The following TBCE variants were observed in gnomAD, a reference collection of about 807,000 sequenced individuals.
TBCE encodes the protein tubulin folding cofactor E, also known as tubulin-specific chaperone E.
TBCE carries 53 observed loss-of-function variants against 77.0 expected under a neutral mutation model. The observed-to-expected ratio is 0.69, with a 90% CI of 0.55 to 0.87. The LOEUF (loss-of-function observed/expected upper bound fraction) is 0.87, where lower values mean the gene tolerates loss of function less well. Ranked by LOEUF, TBCE falls within the 40% of genes least tolerant of loss-of-function variation. The pLI is 0.00. For missense variants in TBCE, 624 were observed against 622.4 expected (o/e 1.00, Z -0.03); for synonymous variants, 235 against 241.3 (o/e 0.97, Z 0.24).
At chr1:235,432,906 A>T in intron 7 of TBCE, 1 of 886,366 alleles carries the variant, frequency 1.1e-6, no homozygotes, top group Non-Finnish European at 1.4e-6. Context: ...ATATATAATA[A>T]TTTTTTGTAA....
chr1:235,447,248 A>G (rs1682411934), intron 15 of TBCE, among the ~76,000 whole-genome samples: 1 of 152,224 alleles, frequency 6.6e-6, no homozygotes, highest in South Asian at 2.1e-4. Flanking sequence ...TATTATCACA[A>G]GTTGGATAAA....
At chr1:235,429,075 C>A (rs1173518497) in intron 6 of TBCE, 2 of 150,108 alleles carry the variant, frequency 1.3e-5, no homozygotes, top group African/African-American at 4.9e-5. Context: ...TGCAGCTTCC[C>A]CTTCCCGGGT....
chr1:235,371,974 TTTTTTTCA>T (rs545722132), intron 1 of TBCE, among the ~76,000 whole-genome samples: 84 of 150,424 alleles, frequency 5.6e-4, no homozygotes, highest in African/African-American at 2.0e-3. Flanking sequence ...GTGCCTGCCC[TTTTTTTCA>T]TTTTTTCATT....
At chr1:235,385,334 C>T (rs566861943) in intron 2 of TBCE, among the ~76,000 whole-genome samples, 29 of 152,046 alleles carry the variant, frequency 1.9e-4, no homozygotes, top group African/African-American at 3.6e-4. Flanking sequence ...CTATTACGTC[C>T]GCTTGGTGCA....
chr1:235,391,781 AT>A (rs1678408097), intron 2 of TBCE, among the ~76,000 whole-genome samples: 1 of 150,946 alleles, frequency 6.6e-6, no homozygotes, highest in Non-Finnish European at 1.5e-5. Flanking sequence ...TAATTTTTAT[AT>A]TTTTAGTAGA....
chr1:235,409,735 G>A (rs1679661311), intron 3 of TBCE, among the ~76,000 whole-genome samples: 1 of 148,512 alleles, frequency 6.7e-6, no homozygotes, highest in South Asian at 2.1e-4. Context: ...GTTTTAAAAA[G>A]TGTAGATTTA....
rs564275340 is a variant in TBCE at position 235,403,936 on chromosome 1, T to C, written c.185+2349T>C. ...TTACTGTGCTGAATACTGTAGGCAATTGTAACACAATGGTAAGTATTTATC... is the reference window on the plus strand; with the variant it reads ...TTACTGTGCTGAATACTGTAGGCAACTGTAACACAATGGTAAGTATTTATC... On this transcript the variant is annotated intron_variant, in intron 3 of 16. Coordinates refer to ENST00000642610, the MANE Select transcript of TBCE (RefSeq NM_003193.5). Among the ~76,000 whole-genome samples, 6 of 152,272 alleles carry C rather than the reference T, an allele frequency of 3.9e-5. No individual in the cohort carries two copies. In the East Asian group the frequency reaches 9.6e-4, roughly 24 times the overall value.
chr1:235,401,421 C>A, intron 2 of TBCE, 82 bp from the exon 3 acceptor site: 2 of 1,206,918 alleles, frequency 1.7e-6, no homozygotes, highest in Admixed American at 1.7e-5. Flanking sequence ...GTTTCCGCTG[C>A]AAATTGGTAT....
chr1:235,399,685 A>G (rs1019660478), intron 2 of TBCE, among the ~76,000 whole-genome samples: 2 of 152,144 alleles, frequency 1.3e-5, no homozygotes, highest in Non-Finnish European at 2.9e-5. Context: ...TAAACCTGTA[A>G]ATGTAAGTAA....
intron 8 of TBCE, among the ~76,000 whole-genome samples, chr1:235,434,549 C>CTTTTTTTTTTTTT (rs113532290): frequency 6.8e-6 from 1 of 146,866 alleles, no homozygotes; most frequent in African/African-American, 2.5e-5. Context: ...TTTTCTTTTT[C>CTTTTTTTTTTTTT]TTTTTTTGAG....
At chr1:235,439,482 C>G (rs1489756821) in intron 13 of TBCE, among the ~76,000 whole-genome samples, 1 of 151,684 alleles carries the variant, frequency 6.6e-6, no homozygotes. Context: ...GGCGACAGAA[C>G]GAGACTCCGT....
At chr1:235,432,493 GC>G in intron 7 of TBCE, among the ~76,000 whole-genome samples, 1 of 151,562 alleles carries the variant, frequency 6.6e-6, no homozygotes, top group Admixed American at 6.6e-5. Context: ...ACAAGAAGGG[GC>G]CAGACACTGG....
rs978369432 is a variant in TBCE at position 235,383,847 on chromosome 1, C to T, written c.100+3698C>T. 5.2e-4 allele frequency among the ~76,000 whole-genome samples: 79 copies of T among 152,020 alleles called. 1 individual carries two copies. Among genetic ancestry groups the T allele is most frequent in the Non-Finnish European group, 8.4e-4 (57 of 67,930 alleles). On this transcript the variant is annotated intron_variant, in intron 2 of 16. Coordinates refer to ENST00000642610, the MANE Select transcript of TBCE (RefSeq NM_003193.5). ...TAATTGCCCTGGCCAGAACTTCCAACACTATGTTGAATAGGAGTGGTGAGA... is the reference window on the plus strand; with the variant it reads ...TAATTGCCCTGGCCAGAACTTCCAATACTATGTTGAATAGGAGTGGTGAGA...
At chr1:235,384,805 C>G (rs919560095) in intron 2 of TBCE, among the ~76,000 whole-genome samples, 6 of 152,058 alleles carry the variant, frequency 3.9e-5, no homozygotes, top group Non-Finnish European at 5.9e-5. Context: ...TTTTTTGTGT[C>G]TCTATTTCCT....
Position 235,443,193 on chromosome 1 carries a change from T to TAC in TBCE, c.1399+283_1399+284insCA, listed in dbSNP as rs386370047. 4.7e-5 allele frequency among the ~76,000 whole-genome samples: 7 copies of TAC among 150,204 alleles called. No individual in the cohort carries two copies. The East Asian group carries it at 6.4e-4, about 14-fold the overall frequency. ...ACACACACACACACACACATATATA[T>TAC]ATACACACACACACACAATTTTTTT... On this transcript the variant is annotated intron_variant, in intron 15 of 16. Transcript: ENST00000642610.
intron 2 of TBCE, among the ~76,000 whole-genome samples, chr1:235,394,638 G>A (rs1182829438): frequency 6.6e-6 from 1 of 151,690 alleles, no homozygotes; most frequent in Non-Finnish European, 1.5e-5. Context: ...CCAGGCTGGT[G>A]TTTAGCACCT....
chr1:235,377,144 T>C (rs1456871605), intron 1 of TBCE, among the ~76,000 whole-genome samples: 1 of 152,182 alleles, frequency 6.6e-6, no homozygotes, highest in East Asian at 1.9e-4. Flanking sequence ...ATTTTGAAAG[T>C]AGGATTCTTT....
chr1:235,445,865 T>C (rs1285704957), intron 15 of TBCE, among the ~76,000 whole-genome samples: 3 of 152,136 alleles, frequency 2.0e-5, no homozygotes, highest in Non-Finnish European at 2.9e-5. Flanking sequence ...AGCGGAGGAA[T>C]GGTGAATAAG....
chr1:235,434,667 G>T (rs1214563159), intron 8 of TBCE, among the ~76,000 whole-genome samples: 1 of 151,652 alleles, frequency 6.6e-6, no homozygotes, highest in Non-Finnish European at 1.5e-5. Context: ...CTCCCGAGTA[G>T]CTGGGATTAT....
Sources: gnomAD v4.1 joint callset for allele counts (sites outside exome capture counted in the v4.1 genomes callset) on GRCh38, gnomAD v4.1.1 for gene constraint, MANE v1.5 for transcripts, NCBI Gene and HGNC (gene_info 2026-07-23, HGNC 2026-07-21) for gene names.